COG5: variants seen among roughly 807,000 people sequenced by gnomAD.
COG5 encodes the protein conserved oligomeric Golgi complex subunit 5.
Under a neutral mutation model 110.4 loss-of-function variants are expected in COG5, and 86 were observed. The ratio of observed to expected loss-of-function variants is 0.78; its 90% CI spans 0.65 to 0.93. The LOEUF (loss-of-function observed/expected upper bound fraction) is 0.93. COG5 is among the 40% of genes least tolerant of loss of function. The probability of loss-of-function intolerance (pLI) is 0.00; values close to 1 mark genes in which losing one functional copy is unlikely to be tolerated. For synonymous variants in COG5, 360 were observed against 334.6 expected, an observed-to-expected ratio of 1.08 and a Z score of -0.83; for missense variants, 1,077 against 987.0, an observed-to-expected ratio of 1.09 and a Z score of -1.22.
intron 6 of COG5, among the ~76,000 whole-genome samples, chr7:107,502,019 T>C (rs1255979066): frequency 2.0e-5 from 3 of 152,138 alleles, no homozygotes; most frequent in Non-Finnish European, 4.4e-5. Flanking sequence ...TTTTTTTCTT[T>C]TGATTTTTAT....
chr7:107,320,491 T>C lies in COG5; in HGVS notation c.1108+3949A>G, dbSNP rs538509758. Among the ~76,000 whole-genome samples, 31 of 152,308 alleles carry C rather than the reference T, an allele frequency of 2.0e-4. No homozygotes were observed. In the South Asian group the frequency reaches 2.7e-3, roughly 13 times the overall value. ...GGAAATATAATCTTGTTTTGTTCGA[T>C]TGAATTTTTATCTAAACATCAGCAA... On this transcript the variant is annotated intron_variant, in intron 11 of 21. Coordinates refer to ENST00000297135, the MANE Select transcript of COG5 (RefSeq NM_006348.5).
intron 16 of COG5, among the ~76,000 whole-genome samples, chr7:107,251,448 A>G (rs1002126582): frequency 6.6e-6 from 1 of 152,168 alleles, no homozygotes; most frequent in Non-Finnish European, 1.5e-5. Context: ...TGCTCTGCCT[A>G]TGAAGTATCC....
intron 19 of COG5, among the ~76,000 whole-genome samples, chr7:107,223,840 G>A (rs1388935090): frequency 6.6e-6 from 1 of 152,146 alleles, no homozygotes; most frequent in East Asian, 1.9e-4. Context: ...TTGCCTCATG[G>A]GGATCATACC....
chr7:107,250,638 A>G (rs984767461), intron 16 of COG5, among the ~76,000 whole-genome samples: 1 of 152,164 alleles, frequency 6.6e-6, no homozygotes, highest in African/African-American at 2.4e-5. Flanking sequence ...GCAAGGAAAA[A>G]TATGCACACA....
At chr7:107,248,364 AAGTT>A in intron 17 of COG5, 28 bp downstream of exon 17, 1 of 1,322,500 alleles carries the variant, frequency 7.6e-7, no homozygotes. Flanking sequence ...AAGGCAGTAA[AAGTT>A]AGTAAAAATT....
chr7:107,393,000 A>T (rs1019215261), intron 7 of COG5, among the ~76,000 whole-genome samples: 1 of 152,052 alleles, frequency 6.6e-6, no homozygotes, highest in Non-Finnish European at 1.5e-5. Context: ...TTCTCTGGGG[A>T]GCTTGATGGT....
intron 17 of COG5, among the ~76,000 whole-genome samples, chr7:107,242,862 G>A (rs1022093432): frequency 6.6e-6 from 1 of 152,146 alleles, no homozygotes; most frequent in Non-Finnish European, 1.5e-5. Context: ...GCCCCCAGGA[G>A]ACAAGCAAAC....
Position 107,415,939 on chromosome 7 carries a change from C to T in COG5, c.539-3307G>A, listed in dbSNP as rs369898940. ...GTGTGTGTATATACACACACATACACGTATGTATGTATGTGTGTGTATATA... is the reference window on the plus strand; with the variant it reads ...GTGTGTGTATATACACACACATACATGTATGTATGTATGTGTGTGTATATA... On this transcript the variant is annotated intron_variant, in intron 6 of 21. Coordinates refer to ENST00000297135, the MANE Select transcript of COG5 (RefSeq NM_006348.5). Among the ~76,000 whole-genome samples, 8 of 117,592 alleles carry T rather than the reference C, an allele frequency of 6.8e-5. 3 individuals are homozygous for T. Among genetic ancestry groups the T allele is most frequent in the Non-Finnish European group, 7.3e-5 (4 of 54,966 alleles). 77.1% of individuals were successfully genotyped at this position (117,592 alleles called of 152,430 possible). A position where few individuals can be genotyped will look rare whatever the true frequency, so the allele number is the denominator to read the frequency against.
At chr7:107,554,927 A>G (rs752482056) in intron 2 of COG5, among the ~76,000 whole-genome samples, 20 of 152,200 alleles carry the variant, frequency 1.3e-4, no homozygotes, top group Non-Finnish European at 2.2e-4. Flanking sequence ...TATCTTAAAG[A>G]GATGTACAAG....
chr7:107,328,727 A>G (rs1466882247), intron 10 of COG5, among the ~76,000 whole-genome samples: 5 of 152,232 alleles, frequency 3.3e-5, no homozygotes, highest in Non-Finnish European at 7.3e-5. Context: ...AACTCTTAAG[A>G]AATTTCACTA....
intron 7 of COG5, among the ~76,000 whole-genome samples, chr7:107,411,466 CT>C (rs1233346058): frequency 6.6e-6 from 1 of 151,826 alleles, no homozygotes; most frequent in Admixed American, 6.6e-5. Flanking sequence ...TAATAATTAT[CT>C]TTGGGGAAGC....
chr7:107,255,165 G>T (rs527737157), intron 16 of COG5, among the ~76,000 whole-genome samples: 3 of 152,118 alleles, frequency 2.0e-5, no homozygotes, highest in Admixed American at 2.0e-4. Context: ...AATTATAGAA[G>T]AGTATCCATT....
intron 11 of COG5, among the ~76,000 whole-genome samples, chr7:107,302,941 A>T (rs1341975715): frequency 1.3e-5 from 2 of 152,334 alleles, no homozygotes; most frequent in South Asian, 4.1e-4. Context: ...AGTTCTAAAC[A>T]TATTTGTTTG....
chr7:107,244,609 A>C (rs564341268), intron 17 of COG5, among the ~76,000 whole-genome samples: 3 of 152,218 alleles, frequency 2.0e-5, no homozygotes, highest in Admixed American at 2.0e-4. Context: ...TCAAATAAAC[A>C]CAATTAGACA....
chr7:107,475,241 C>T (rs1796899341), intron 6 of COG5: 1 of 1,607,726 alleles, frequency 6.2e-7, no homozygotes, highest in Non-Finnish European at 8.5e-7. Context: ...GAAGCTGATC[C>T]CCTGCCTAAT....
In COG5 at chr7:107,201,721, A is replaced by G; in HGVS notation, c.*1795T>C. ...TTGAAAATTGATATCCTGTGGTGCT[A>G]AAGTACAGTAGAAAGAGAGGAGAAG... On this transcript the variant is annotated 3_prime_UTR_variant, in exon 22 of 22. Coordinates refer to ENST00000297135, the MANE Select transcript of COG5 (RefSeq NM_006348.5). 3.0e-6 allele frequency: 1 copy of G among 334,784 alleles called. No homozygotes were observed. Among genetic ancestry groups the G allele is most frequent in the Non-Finnish European group, 5.4e-6 (1 of 183,970 alleles). The allele number at this position is 334,784 out of a possible 1,614,324, so 20.7% of individuals were successfully genotyped here. A position where few individuals can be genotyped will look rare whatever the true frequency, so the allele number is the denominator to read the frequency against.
At chr7:107,540,103 T>G (rs1451128481) in intron 5 of COG5, among the ~76,000 whole-genome samples, 3 of 151,848 alleles carry the variant, frequency 2.0e-5, no homozygotes, top group Non-Finnish European at 4.4e-5. Flanking sequence ...AAAACAGAGG[T>G]TGTGCAGATA....
intron 6 of COG5, among the ~76,000 whole-genome samples, chr7:107,500,601 T>C (rs111827404): frequency 1.3e-5 from 2 of 152,166 alleles, no homozygotes; most frequent in Non-Finnish European, 2.9e-5. Context: ...TTTCCAACAG[T>C]GAAATAACTT....
chr7:107,243,215 A>AC (rs1369954286), intron 17 of COG5, among the ~76,000 whole-genome samples: 1 of 152,122 alleles, frequency 6.6e-6, no homozygotes, highest in Non-Finnish European at 1.5e-5. Flanking sequence ...ATTCTTAGAG[A>AC]CCTTCAAAGA....
Sources: allele counts gnomAD v4.1 joint callset (sites outside exome capture counted in the v4.1 genomes callset), GRCh38; gene constraint gnomAD v4.1.1; transcripts MANE v1.5; gene names NCBI Gene and HGNC (gene_info 2026-07-23, HGNC 2026-07-21).